Variants in RAB11FIP4 observed in about 807,000 individuals in gnomAD.
RAB11FIP4 encodes RAB11 family interacting protein 4.
Under a neutral mutation model 74.3 loss-of-function variants are expected in RAB11FIP4, and 23 were observed. The observed-to-expected ratio is 0.31, with a 90% CI of 0.22 to 0.44. The LOEUF (loss-of-function observed/expected upper bound fraction) is 0.44, where lower values mean the gene tolerates loss of function less well. RAB11FIP4 is among the 20% of genes least tolerant of loss of function. The pLI is 1.00. For synonymous variants in RAB11FIP4, 360 were observed against 359.9 expected, an observed-to-expected ratio of 1.00 and a Z score of 0.00; for missense variants, 630 against 863.9, an observed-to-expected ratio of 0.73 and a Z score of 3.39.
At chr17:31,531,158 TGG>T in intron 14 of RAB11FIP4, 1 of 163,768 alleles carries the variant, frequency 6.1e-6, no homozygotes, top group Non-Finnish European at 1.3e-5. Context: ...CCCCAACCCC[TGG>T]GCAGAGGCAG....
At chr17:31,510,382 C>T (rs2072430171) in intron 3 of RAB11FIP4, among the ~76,000 whole-genome samples, 1 of 152,270 alleles carries the variant, frequency 6.6e-6, no homozygotes, top group South Asian at 2.1e-4. Context: ...CACACCTTCC[C>T]AGCGGCAGCG....
chr17:31,488,144 C>A, intron 3 of RAB11FIP4: 1 of 1,049,874 alleles, frequency 9.5e-7, no homozygotes, highest in Non-Finnish European at 1.1e-6. Flanking sequence ...GCGGCGCGGC[C>A]GCGATTGTTC....
intron 3 of RAB11FIP4, among the ~76,000 whole-genome samples, chr17:31,469,226 G>A (rs949099609): frequency 1.1e-4 from 16 of 152,192 alleles, no homozygotes; most frequent in African/African-American, 3.4e-4. Context: ...GCTGTTCTGA[G>A]CACTGGGGAA....
chr17:31,440,790 TA>T (rs1193521773), intron 3 of RAB11FIP4, among the ~76,000 whole-genome samples: 5 of 151,902 alleles, frequency 3.3e-5, no homozygotes, highest in African/African-American at 4.8e-5. Flanking sequence ...CAAAAACAAA[TA>T]AAAAAAACTG....
chr17:31,437,297 T>C (rs1301344854), intron 3 of RAB11FIP4, among the ~76,000 whole-genome samples: 1 of 152,098 alleles, frequency 6.6e-6, no homozygotes, highest in Admixed American at 6.5e-5. Context: ...GCAGACGGCT[T>C]CTGGATTGTG....
At position 31,474,870 on chromosome 17, in the gene RAB11FIP4, CAAAACAA is replaced by C. The variant is rs1426426976; in HGVS notation, c.336+40760_336+40766del. On this transcript the variant is annotated intron_variant, in intron 3 of 14. Transcript: ENST00000621161. The stretch of plus-strand genomic sequence containing the variant: ...AAAAACAAAACAAAACAAAACAAAA[CAAAACAA>C]AAAACAAAAAAAAAACAGAGATTCA... 2.7e-4 allele frequency among the ~76,000 whole-genome samples: 32 copies of C among 116,796 alleles called. No homozygotes were observed. The South Asian group carries it at 3.7e-3, about 14-fold the overall frequency. The allele number at this position is 116,796 out of a possible 152,430, so 76.6% of individuals were successfully genotyped here.
At chr17:31,431,792 G>C (rs1312197375) in intron 1 of RAB11FIP4, 21 bp from the exon 2 acceptor site, 2 of 1,578,118 alleles carry the variant, frequency 1.3e-6, no homozygotes, top group Admixed American at 1.7e-5. Context: ...TCTCACACCT[G>C]TCCCTGCTTC....
chr17:31,448,021 T>C (rs1459583631), intron 3 of RAB11FIP4, among the ~76,000 whole-genome samples: 1 of 151,292 alleles, frequency 6.6e-6, no homozygotes, highest in African/African-American at 2.4e-5. Context: ...TATGTTACCC[T>C]GGTTGGTCTT....
intron 3 of RAB11FIP4, among the ~76,000 whole-genome samples, chr17:31,480,632 A>C (rs187097203): frequency 1.3e-5 from 2 of 151,834 alleles, no homozygotes; most frequent in Admixed American, 1.3e-4. Context: ...TACTAAAAAT[A>C]AAAAAATTAG....
intron 13 of RAB11FIP4, among the ~76,000 whole-genome samples, chr17:31,530,093 C>T (rs1052687175): frequency 1.3e-5 from 2 of 152,234 alleles, no homozygotes; most frequent in African/African-American, 2.4e-5. Context: ...TGTAACTCCT[C>T]CACAAACCCT....
chr17:31,431,195 T>A (rs1459524185), intron 1 of RAB11FIP4, among the ~76,000 whole-genome samples: 1 of 152,114 alleles, frequency 6.6e-6, no homozygotes, highest in Non-Finnish European at 1.5e-5. Flanking sequence ...ACAACGTGGG[T>A]TGTACACACC....
chr17:31,472,956 C>A (rs2071754423), intron 3 of RAB11FIP4, among the ~76,000 whole-genome samples: 1 of 151,982 alleles, frequency 6.6e-6, no homozygotes, highest in African/African-American at 2.4e-5. Flanking sequence ...TCGCTTGAAC[C>A]TGGGAGGTGG....
chr17:31,524,029 GT>G, intron 9 of RAB11FIP4, 33 bp downstream of exon 9: 1 of 1,502,740 alleles, frequency 6.7e-7, no homozygotes, highest in Non-Finnish European at 9.2e-7. Context: ...GGGCTCGGCC[GT>G]GACGCTGGGG....
At position 31,469,470 on chromosome 17, in the gene RAB11FIP4, A is replaced by T. The variant is rs183089595; in HGVS notation, c.336+35348A>T. Among the ~76,000 whole-genome samples the T allele has an allele frequency of 2.9e-3, 440 of 151,926 alleles. 1 individual carries two copies. The highest frequency in any genetic ancestry group is 9.7e-3 in the African/African-American group (403 of 41,426). On this transcript the variant is annotated intron_variant, in intron 3 of 14. Coordinates refer to ENST00000621161, the MANE Select transcript of RAB11FIP4 (RefSeq NM_032932.6). ...TCTTGTCTCCACAAAAATAAATTTT[A>T]AAAAAAATGAGCTAGGCATGGTGGT...
chr17:31,500,573 G>A (rs989707032), intron 3 of RAB11FIP4, among the ~76,000 whole-genome samples: 10 of 152,322 alleles, frequency 6.6e-5, no homozygotes, highest in South Asian at 4.1e-4. Flanking sequence ...TAAAGCAATC[G>A]CTGTGTAGGT....
At chr17:31,493,405 C>T (rs189670867) in intron 3 of RAB11FIP4, among the ~76,000 whole-genome samples, 3 of 152,092 alleles carry the variant, frequency 2.0e-5, no homozygotes, top group South Asian at 2.1e-4. Flanking sequence ...CCCCCACCCC[C>T]CTGCGCTGTG....
chr17:31,433,948 C>T (rs2071333764), intron 2 of RAB11FIP4, 86 bp from the exon 3 acceptor site: 3 of 1,333,292 alleles, frequency 2.3e-6, no homozygotes, highest in South Asian at 2.5e-5. Context: ...CCCTTCCCAC[C>T]CTATGCCCAT....
chr17:31,490,492 G>A (rs191279036), intron 3 of RAB11FIP4, among the ~76,000 whole-genome samples: 1 of 152,260 alleles, frequency 6.6e-6, no homozygotes, highest in Admixed American at 6.5e-5. Context: ...AGGCATCTCC[G>A]AATGAGAAAG....
At position 31,521,901 on chromosome 17, in the gene RAB11FIP4, C is replaced by A. The variant is rs768354443; in HGVS notation, c.759-14C>A. 1.2e-6 allele frequency: 2 copies of A among 1,613,978 alleles called. No homozygotes were observed. The highest frequency in any genetic ancestry group is 1.1e-5 in the South Asian group (1 of 91,076). On this transcript the variant is annotated splice_polypyrimidine_tract_variant and intron_variant, in intron 5 of 14. Coordinates refer to ENST00000621161, the MANE Select transcript of RAB11FIP4 (RefSeq NM_032932.6). The stretch of plus-strand genomic sequence containing the variant: ...CAGCAGTTAAGGTGGTGATTCCTTT[C>A]CCTCATGAATCAGTGCGGGGCAGAC...
Sources: gnomAD v4.1 joint callset for allele counts (sites outside exome capture counted in the v4.1 genomes callset) on GRCh38, gnomAD v4.1.1 for gene constraint, MANE v1.5 for transcripts, NCBI Gene and HGNC (gene_info 2026-07-23, HGNC 2026-07-21) for gene names.